Variants in AGBL1 observed in about 807,000 individuals in gnomAD.
AGBL1 encodes cytosolic carboxypeptidase 4.
In AGBL1, 130 loss-of-function variants were observed where a neutral mutation model predicts 118.9. The ratio of observed to expected loss-of-function variants is 1.09; its 90% CI spans 0.95 to 1.26. The LOEUF (loss-of-function observed/expected upper bound fraction) is 1.26. AGBL1 is among the 50% of genes most tolerant of loss of function. AGBL1 has a pLI of 0.00. For missense variants in AGBL1, 1,584 were observed against 1,298.1 expected (o/e 1.22, Z -3.38); for synonymous variants, 555 against 478.9 (o/e 1.16, Z -2.08).
At chr15:86,645,852 A>G (rs1363732729) in intron 21 of AGBL1, among the ~76,000 whole-genome samples, 1 of 152,200 alleles carries the variant, frequency 6.6e-6, no homozygotes, top group Non-Finnish European at 1.5e-5. Flanking sequence ...CGTTCCAAGC[A>G]GATAGAATTC....
At chr15:86,738,180 G>A (rs955636565) in intron 22 of AGBL1, among the ~76,000 whole-genome samples, 10 of 151,982 alleles carry the variant, frequency 6.6e-5, no homozygotes, top group South Asian at 2.1e-4. Flanking sequence ...ATTCAACACC[G>A]CTTCATAATA....
Position 86,294,355 on chromosome 15 carries a change from C to A in AGBL1, c.2221-900C>A, listed in dbSNP as rs199515999. On this transcript the variant is annotated intron_variant, in intron 16 of 22. Transcript: ENST00000614907. ...TGGAGGTTGCAATGATCTGAGATTG[C>A]GCCACTGCACTCCAGCCTGCCTGGT... 3.3e-4 allele frequency among the ~76,000 whole-genome samples: 44 copies of A among 135,316 alleles called. No homozygotes were observed. In the East Asian group the frequency reaches 7.9e-3, roughly 24 times the overall value. The allele number at this position is 135,316 out of a possible 152,430, so 88.8% of individuals were successfully genotyped here. A position where few individuals can be genotyped will look rare whatever the true frequency, so the allele number is the denominator to read the frequency against.
intron 24 of AGBL1, among the ~76,000 whole-genome samples, chr15:86,994,618 T>C (rs747745518): frequency 4.3e-4 from 65 of 152,214 alleles, no homozygotes; most frequent in Non-Finnish European, 1.9e-4. Context: ...GTAGATCAGT[T>C]TGCTTCTTTA....
chr15:86,414,576 A>G (rs949119486), intron 18 of AGBL1, among the ~76,000 whole-genome samples: 1 of 152,196 alleles, frequency 6.6e-6, no homozygotes, highest in African/African-American at 2.4e-5. Context: ...TGAAAAGTTC[A>G]AACAATTTTG....
At position 86,257,832 on chromosome 15, in the gene AGBL1, T is replaced by C. The variant is rs200417940; in HGVS notation, c.902-132T>C. On this transcript the variant is annotated intron_variant, in intron 8 of 22. Transcript: ENST00000614907. ...CAATAAGCATTTGTGTGTGGTGGGA[T>C]ATTGTGCAATTAATATTGGGCCCCT... 90 of 785,510 alleles carry C rather than the reference T, an allele frequency of 1.1e-4. No individual in the cohort carries two copies. In the East Asian group the frequency reaches 2.2e-3, roughly 20 times the overall value. The allele number at this position is 785,510 out of a possible 1,614,324, so 48.7% of individuals were successfully genotyped here. A position where few individuals can be genotyped will look rare whatever the true frequency, so the allele number is the denominator to read the frequency against.
intron 16 of AGBL1, among the ~76,000 whole-genome samples, chr15:86,284,615 CAAAT>C (rs761656908): frequency 1.4e-4 from 22 of 152,258 alleles, no homozygotes; most frequent in Admixed American, 5.9e-4. Flanking sequence ...AGGCAGTAGA[CAAAT>C]AAAGTAGGCC....
At chr15:86,294,255 T>C (rs988641120) in intron 16 of AGBL1, among the ~76,000 whole-genome samples, 26 of 151,714 alleles carry the variant, frequency 1.7e-4, no homozygotes, top group Non-Finnish European at 4.4e-5. Flanking sequence ...AAAAATTAAC[T>C]GGGTGTGGTC....
At chr15:86,773,130 A>G (rs1470074924) in intron 22 of AGBL1, among the ~76,000 whole-genome samples, 6 of 152,028 alleles carry the variant, frequency 3.9e-5, no homozygotes, top group South Asian at 2.1e-4. Flanking sequence ...TTCAACCAAC[A>G]TTATTGAGTA....
intron 18 of AGBL1, among the ~76,000 whole-genome samples, chr15:86,489,937 A>C (rs2082758737): frequency 6.6e-6 from 1 of 152,112 alleles, no homozygotes; most frequent in Non-Finnish European, 1.5e-5. Context: ...GCTTAAAAAG[A>C]AACAGCAGGC....
chr15:86,436,708 T>A (rs2082004562), intron 18 of AGBL1, among the ~76,000 whole-genome samples: 1 of 152,228 alleles, frequency 6.6e-6, no homozygotes, highest in African/African-American at 2.4e-5. Context: ...TCAAATTTAT[T>A]ATTTTGCAAA....
intron 23 of AGBL1, among the ~76,000 whole-genome samples, chr15:86,968,156 C>A (rs1261884730): frequency 1.3e-5 from 2 of 151,792 alleles, no homozygotes; most frequent in East Asian, 3.9e-4. Flanking sequence ...GAAAGAGGGT[C>A]ACCCAAAATC....
At chr15:86,854,217 C>T (rs2079446997) in intron 22 of AGBL1, among the ~76,000 whole-genome samples, 1 of 152,150 alleles carries the variant, frequency 6.6e-6, no homozygotes, top group South Asian at 2.1e-4. Flanking sequence ...TGGGGGTGTA[C>T]ATCCCTTTGT....
intron 18 of AGBL1, among the ~76,000 whole-genome samples, chr15:86,418,635 A>G (rs560839990): frequency 6.6e-6 from 1 of 152,080 alleles, no homozygotes; most frequent in Non-Finnish European, 1.5e-5. Context: ...AGTCTTGATA[A>G]TTTCCCATAG....
intron 5 of AGBL1, among the ~76,000 whole-genome samples, chr15:86,194,289 C>T (rs903996068): frequency 1.3e-5 from 2 of 152,164 alleles, no homozygotes; most frequent in Non-Finnish European, 1.5e-5. Context: ...CAGTGTTTTG[C>T]GTGATCCTAC....
At chr15:86,159,053 C>T (rs191671121) in intron 5 of AGBL1, 27 bp downstream of exon 5, 6 of 1,598,484 alleles carry the variant, frequency 3.8e-6, no homozygotes, top group East Asian at 4.5e-5. Context: ...AATACTTCTG[C>T]CCCTTTTGTA....
chr15:86,262,867 G>A lies in AGBL1; in HGVS notation c.1059G>A (p.Met353Ile), dbSNP rs866857305. The change falls in exon 10 of 23, where the codon ATG becomes ATA. Residue 353 changes from methionine (M) to isoleucine (I), a missense_variant. Coordinates refer to ENST00000614907, the MANE Select transcript of AGBL1 (RefSeq NM_001386094.1). Reference protein sequence around the residue: ...PEEELMQYEVMCLELSYSFEE... With the variant: ...PEEELMQYEVICLELSYSFEE... ...AGGAACTGATGCAATATGAGGTGATGTGTCTTGAGCTCTCCTATAGCTTTG... is the reference window on the plus strand; with the variant it reads ...AGGAACTGATGCAATATGAGGTGATATGTCTTGAGCTCTCCTATAGCTTTG... 6.2e-7 allele frequency: 1 copy of A among 1,606,608 alleles called. No homozygotes were observed. Among genetic ancestry groups the A allele is most frequent in the African/African-American group, 1.3e-5 (1 of 74,910 alleles).
intron 1 of AGBL1, among the ~76,000 whole-genome samples, chr15:86,126,668 A>G (rs1248857971): frequency 2.0e-5 from 3 of 152,220 alleles, no homozygotes; most frequent in Non-Finnish European, 4.4e-5. Context: ...AGAAGGGGTT[A>G]GTGGGATTTA....
chr15:86,924,708 G>A (rs560388417), intron 23 of AGBL1, among the ~76,000 whole-genome samples: 7 of 152,132 alleles, frequency 4.6e-5, no homozygotes, highest in South Asian at 2.1e-4. Context: ...TTTTGGCAGC[G>A]GATAGTTTCC....
At chr15:86,559,746 C>T (rs956744293) in intron 21 of AGBL1, among the ~76,000 whole-genome samples, 3 of 151,962 alleles carry the variant, frequency 2.0e-5, no homozygotes, top group African/African-American at 7.3e-5. Context: ...GTAACTTGCT[C>T]AAGGTCCCAC....
Sources: gnomAD v4.1 joint callset for allele counts (sites outside exome capture counted in the v4.1 genomes callset) on GRCh38, gnomAD v4.1.1 for gene constraint, MANE v1.5 for transcripts, NCBI Gene and HGNC (gene_info 2026-07-23, HGNC 2026-07-21) for gene names.